The following RIMOC1 variants were observed in gnomAD, a reference collection of about 807,000 sequenced individuals.
RIMOC1 encodes RAB7A interacting MON1-CCZ1 complex subunit 1.
chr5:41,911,432 A>G, the RIMOC1 span: 1 of 220,070 alleles, frequency 4.5e-6, no homozygotes, highest in Non-Finnish European at 8.7e-6. Context: ...AAGATAAACT[A>G]TATTAATTTC....
the RIMOC1 span, chr5:41,907,723 T>G: frequency 9.6e-6 from 15 of 1,554,528 alleles, no homozygotes; most frequent in African/African-American, 1.8e-4. Context: ...CCTCATGTTT[T>G]TATTTCTTAT....
At chr5:41,916,733 A>T in the RIMOC1 span, among the ~76,000 whole-genome samples, 1 of 152,184 alleles carries the variant, frequency 6.6e-6, no homozygotes, top group Non-Finnish European at 1.5e-5. Context: ...GAAGTTATAG[A>T]GTGGACCCCA....
chr5:41,905,564 C>G, the RIMOC1 span, among the ~76,000 whole-genome samples: 1 of 152,234 alleles, frequency 6.6e-6, no homozygotes, highest in Non-Finnish European at 1.5e-5. Context: ...GCCACTGTGC[C>G]AGGCCAGGAG....
chr5:41,917,159 GA>G, the RIMOC1 span: 16 of 1,613,718 alleles, frequency 9.9e-6, no homozygotes, highest in Admixed American at 2.5e-4. Flanking sequence ...TACATACAAG[GA>G]ACCCTTGGAT....
At chr5:41,911,255 A>G in the RIMOC1 span, 1 of 1,350,796 alleles carries the variant, frequency 7.4e-7, no homozygotes. Context: ...TTGTACTACT[A>G]AGAGTAGTGG....
chr5:41,914,140 A>C, the RIMOC1 span, among the ~76,000 whole-genome samples: 1 of 152,058 alleles, frequency 6.6e-6, no homozygotes, highest in Non-Finnish European at 1.5e-5. Context: ...CATTCTCATA[A>C]CCTGGAGTTT....
At chr5:41,910,239 C>G in the RIMOC1 span, among the ~76,000 whole-genome samples, 8 of 151,938 alleles carry the variant, frequency 5.3e-5, no homozygotes, top group Admixed American at 1.3e-4. Context: ...TCCTTATTCT[C>G]TCGAACATTT....
At chr5:41,915,649 G>A in the RIMOC1 span, among the ~76,000 whole-genome samples, 3 of 151,942 alleles carry the variant, frequency 2.0e-5, no homozygotes, top group Non-Finnish European at 2.9e-5. Context: ...AAGTGAAAGC[G>A]GAAACCCCTT....
At chr5:41,907,569 A>G in the RIMOC1 span, among the ~76,000 whole-genome samples, 2 of 152,326 alleles carry the variant, frequency 1.3e-5, no homozygotes, top group Non-Finnish European at 2.9e-5. Flanking sequence ...ATTAGGCATT[A>G]TGAGATATTT....
At chr5:41,909,686 G>A in the RIMOC1 span, 12 of 1,260,690 alleles carry the variant, frequency 9.5e-6, no homozygotes, top group East Asian at 3.1e-4. Context: ...TAGACTGTAA[G>A]AATTGTTTTT....
the RIMOC1 span, chr5:41,904,427 G>A: frequency 1.3e-5 from 21 of 1,614,166 alleles, no homozygotes; most frequent in Non-Finnish European, 1.8e-5. Flanking sequence ...ATCTGGCTCA[G>A]GCCCACATAC....
chr5:41,913,979 T>G, the RIMOC1 span, among the ~76,000 whole-genome samples: 1 of 152,176 alleles, frequency 6.6e-6, no homozygotes, highest in African/African-American at 2.4e-5. Flanking sequence ...AAATTTCTAT[T>G]TATACACATG....
At chr5:41,914,555 C>G in the RIMOC1 span, among the ~76,000 whole-genome samples, 11 of 151,476 alleles carry the variant, frequency 7.3e-5, no homozygotes, top group African/African-American at 2.4e-4. Flanking sequence ...CTTGAGAAAA[C>G]TGGCGCCAGG....
At chr5:41,904,405 A>G in the RIMOC1 span, 7 of 1,614,106 alleles carry the variant, frequency 4.3e-6, no homozygotes, top group Non-Finnish European at 5.9e-6. Flanking sequence ...AGACGAGTGG[A>G]AGAGCTCGGG....
the RIMOC1 span, chr5:41,917,692 G>A: frequency 1.0e-6 from 1 of 968,018 alleles, no homozygotes; most frequent in South Asian, 4.8e-5. Flanking sequence ...AGTTTGCCAT[G>A]CTTCAGAAAT....
chr5:41,911,908 T>G, the RIMOC1 span, among the ~76,000 whole-genome samples: 1 of 152,142 alleles, frequency 6.6e-6, no homozygotes. Context: ...AGCAGAGTCT[T>G]GGGATGGTGG....
At chr5:41,904,636 C>T in the RIMOC1 span, among the ~76,000 whole-genome samples, 6 of 152,160 alleles carry the variant, frequency 3.9e-5, no homozygotes, top group African/African-American at 1.4e-4. Flanking sequence ...CGATTGCCCA[C>T]TTCCCAGAAC....
chr5:41,918,387 CCTTTT>C, the RIMOC1 span: 1 of 985,808 alleles, frequency 1.0e-6, no homozygotes, highest in Non-Finnish European at 1.2e-6. Flanking sequence ...CTTCTTACCC[CCTTTT>C]CTTGACTGCT....
chr5:41,905,391 C>T, the RIMOC1 span, among the ~76,000 whole-genome samples: 4 of 152,108 alleles, frequency 2.6e-5, no homozygotes, highest in Non-Finnish European at 5.9e-5. Context: ...CAGGCTGGAG[C>T]CCCTCTAGTA....
Sources: gnomAD v4.1 joint callset for allele counts (sites outside exome capture counted in the v4.1 genomes callset) on GRCh38, gnomAD v4.1.1 for gene constraint, MANE v1.5 for transcripts, NCBI Gene and HGNC (gene_info 2026-07-23, HGNC 2026-07-21) for gene names.